Variants in CWF19L1 observed in about 807,000 individuals in gnomAD.
CWF19L1 encodes the protein CWF19 like cell cycle control factor 1.
Under a neutral mutation model 69.7 loss-of-function variants are expected in CWF19L1, and 60 were observed. That is an observed-to-expected ratio of 0.86 (90% confidence interval 0.70 to 1.07). CWF19L1 has a LOEUF of 1.07. Among genes scored for constraint, CWF19L1 ranks in the 50% least tolerant of loss-of-function variants. The probability of loss-of-function intolerance (pLI) is 0.00; values close to 1 mark genes in which losing one functional copy is unlikely to be tolerated. For missense variants in CWF19L1, 591 were observed against 638.9 expected (o/e 0.92, Z 0.81); for synonymous variants, 209 against 222.2 (o/e 0.94, Z 0.53).
At chr10:100,237,653 A>AT (rs549066626) in intron 11 of CWF19L1, among the ~76,000 whole-genome samples, 36 of 150,434 alleles carry the variant, frequency 2.4e-4, no homozygotes, top group African/African-American at 1.9e-4. Flanking sequence ...ACTTTATATA[A>AT]TTTTTTTTTT....
chr10:100,256,740 T>C (rs1260399471), intron 4 of CWF19L1, among the ~76,000 whole-genome samples: 1 of 152,112 alleles, frequency 6.6e-6, no homozygotes, highest in East Asian at 1.9e-4. Context: ...GCCTTACAAA[T>C]ATTACTGGAA....
At chr10:100,246,246 A>G in intron 8 of CWF19L1, 1 of 211,086 alleles carries the variant, frequency 4.7e-6, no homozygotes, top group Non-Finnish European at 9.6e-6. Flanking sequence ...GTGTAGTCAT[A>G]CAATTTCACA....
intron 10 of CWF19L1, among the ~76,000 whole-genome samples, chr10:100,240,109 T>C (rs899271697): frequency 6.6e-6 from 1 of 152,176 alleles, no homozygotes; most frequent in African/African-American, 2.4e-5. Context: ...CCTAATCTCC[T>C]CTCTCTTTCA....
intron 4 of CWF19L1, among the ~76,000 whole-genome samples, chr10:100,259,368 C>G (rs981623950): frequency 1.3e-5 from 2 of 152,032 alleles, no homozygotes; most frequent in African/African-American, 4.8e-5. Context: ...TAAGCTGGAA[C>G]TGAAGAGTGT....
intron 1 of CWF19L1, 79 bp downstream of exon 1, chr10:100,267,492 G>T (rs1386191433): frequency 6.2e-7 from 1 of 1,612,536 alleles, no homozygotes; most frequent in Non-Finnish European, 8.5e-7. Flanking sequence ...TCCCGTCATG[G>T]GAAAGACTCC....
At chr10:100,258,162 C>G (rs539818723) in intron 4 of CWF19L1, among the ~76,000 whole-genome samples, 13 of 152,110 alleles carry the variant, frequency 8.5e-5, no homozygotes, top group Non-Finnish European at 1.6e-4. Context: ...CGCTTGAATC[C>G]GGGAGGCAGA....
intron 10 of CWF19L1, among the ~76,000 whole-genome samples, chr10:100,238,532 A>C (rs1564850354): frequency 6.6e-6 from 1 of 152,138 alleles, no homozygotes; most frequent in Non-Finnish European, 1.5e-5. Flanking sequence ...GCTGAGGGAG[A>C]CCAGAACAAA....
intron 10 of CWF19L1, among the ~76,000 whole-genome samples, chr10:100,239,376 C>G (rs899995563): frequency 1.3e-5 from 2 of 152,202 alleles, no homozygotes; most frequent in African/African-American, 4.8e-5. Context: ...TGCGTTGGCT[C>G]ATGACTGTAA....
intron 13 of CWF19L1, among the ~76,000 whole-genome samples, chr10:100,233,646 G>T (rs1396622041): frequency 2.6e-5 from 4 of 152,154 alleles, no homozygotes; most frequent in African/African-American, 7.2e-5. Flanking sequence ...TAGAAAAAGG[G>T]CAGGCCCTGG....
intron 11 of CWF19L1, chr10:100,237,326 TC>T: frequency 2.0e-6 from 1 of 491,752 alleles, no homozygotes; most frequent in Non-Finnish European, 4.0e-6. Flanking sequence ...AATCTGATTT[TC>T]TGAGCTGCTA....
chr10:100,235,813 C>A (rs1189899220), intron 12 of CWF19L1, 49 bp from the exon 13 acceptor site: 1 of 1,303,072 alleles, frequency 7.7e-7, no homozygotes. Context: ...CTTTAAAAAT[C>A]TATAATCTGA....
chr10:100,245,956 C>A (rs1443016128), intron 8 of CWF19L1, 43 bp from the exon 9 acceptor site: 2 of 1,431,140 alleles, frequency 1.4e-6, no homozygotes, highest in East Asian at 4.6e-5. Context: ...ATTCAACTAA[C>A]CTTTAGATAA....
chr10:100,264,611 A>C (rs1431874776), intron 1 of CWF19L1, among the ~76,000 whole-genome samples: 1 of 117,400 alleles, frequency 8.5e-6, no homozygotes, highest in Non-Finnish European at 1.7e-5. Flanking sequence ...TACGTATTCA[A>C]AAAAAAAAAA....
intron 13 of CWF19L1, chr10:100,234,140 T>A (rs1000291416): frequency 1.1e-4 from 17 of 152,244 alleles, no homozygotes; most frequent in Non-Finnish European, 2.1e-4. Flanking sequence ...CACATTTATA[T>A]GGTTCATTTT....
Position 100,245,898 on chromosome 10 carries a change from G to A in CWF19L1, c.865C>T (p.Gln289Ter). The change falls in exon 9 of 14, where the codon CAG becomes TAG. Residue 289 changes from glutamine to a stop codon, truncating the protein, a stop_gained. Transcript: ENST00000354105. LOFTEE classifies it high-confidence loss of function. ...ILAPVEESACQFFFDLNEKQG... is the reference protein window; with the variant it reads ...ILAPVEESAC ...TTTTCATTTAAATCAAAGAAAAACTGACAGGCTGATTCTTCCTGGAATGGC... is the reference window on the plus strand; with the variant it reads ...TTTTCATTTAAATCAAAGAAAAACTAACAGGCTGATTCTTCCTGGAATGGC... 1 of 1,613,722 alleles carries A rather than the reference G, an allele frequency of 6.2e-7. No individual in the cohort carries two copies.
At chr10:100,242,421 C>T (rs1846666476) in intron 10 of CWF19L1, among the ~76,000 whole-genome samples, 1 of 152,346 alleles carries the variant, frequency 6.6e-6, no homozygotes, top group African/African-American at 2.4e-5. Flanking sequence ...CGCCTGTAAT[C>T]CCAGCACTTT....
chr10:100,264,340 T>G (rs549395999), intron 1 of CWF19L1, among the ~76,000 whole-genome samples: 2 of 151,920 alleles, frequency 1.3e-5, no homozygotes, highest in Admixed American at 1.3e-4. Flanking sequence ...GGTCAGGAGC[T>G]CGAGACCATC....
intron 7 of CWF19L1, chr10:100,248,419 G>C (rs527830808): frequency 9.8e-6 from 7 of 714,328 alleles, no homozygotes; most frequent in Non-Finnish European, 1.8e-5. Context: ...GTACGGGAAG[G>C]GACTCACTTT....
intron 10 of CWF19L1, among the ~76,000 whole-genome samples, chr10:100,241,000 C>CTTTTTTTTTTTTTTTTTTTTTTT (rs56262807): frequency 2.8e-5 from 2 of 70,608 alleles, no homozygotes; most frequent in African/African-American, 1.3e-4. Flanking sequence ...CTAATTAAGC[C>CTTTTTTTTTTTTTTTTTTTTTTT]TTTTTTTTTT....
Sources: allele counts gnomAD v4.1 joint callset (sites outside exome capture counted in the v4.1 genomes callset), GRCh38; gene constraint gnomAD v4.1.1; transcripts MANE v1.5; gene names NCBI Gene and HGNC (gene_info 2026-07-23, HGNC 2026-07-21).